The following PACRG variants were observed in gnomAD, a reference collection of about 807,000 sequenced individuals.
PACRG encodes the protein parkin coregulated gene protein.
PACRG carries 29 observed loss-of-function variants against 29.7 expected under a neutral mutation model. The ratio of observed to expected loss-of-function variants is 0.98; its 90% CI spans 0.73 to 1.33. The LOEUF (loss-of-function observed/expected upper bound fraction) is 1.33. Among genes scored for constraint, PACRG ranks in the 40% most tolerant of loss-of-function variants. PACRG has a pLI of 0.00. For synonymous variants in PACRG, 116 were observed against 118.7 expected, an observed-to-expected ratio of 0.98 and a Z score of 0.15; for missense variants, 279 against 316.2, an observed-to-expected ratio of 0.88 and a Z score of 0.89.
intron 1 of PACRG, among the ~76,000 whole-genome samples, chr6:162,746,634 C>T (rs1293301699): frequency 6.6e-6 from 1 of 152,160 alleles, no homozygotes; most frequent in Non-Finnish European, 1.5e-5. Context: ...ATAACTTTTA[C>T]ATACAAAGAA....
intron 4 of PACRG, chr6:163,313,876 A>G (rs750846825): frequency 1.3e-4 from 20 of 152,244 alleles, no homozygotes; most frequent in Admixed American, 3.9e-4. Flanking sequence ...AAAGCGTGGA[A>G]TGACTATCGT....
chr6:162,962,889 C>T (rs1800743728), intron 2 of PACRG, among the ~76,000 whole-genome samples: 1 of 152,126 alleles, frequency 6.6e-6, no homozygotes, highest in African/African-American at 2.4e-5. Context: ...ATGAACGTGC[C>T]TCTGTTCAGG....
At chr6:162,985,244 C>T (rs756903372) in intron 2 of PACRG, among the ~76,000 whole-genome samples, 1 of 151,902 alleles carries the variant, frequency 6.6e-6, no homozygotes, top group African/African-American at 2.4e-5. Flanking sequence ...CAGGGAAGGA[C>T]ATTTAAAAAA....
intron 4 of PACRG, among the ~76,000 whole-genome samples, chr6:163,220,873 G>T (rs569971986): frequency 6.6e-6 from 1 of 152,236 alleles, no homozygotes; most frequent in South Asian, 2.1e-4. Flanking sequence ...ACATCCCTAT[G>T]AGGTAAGATT....
At chr6:162,868,615 G>C (rs1275230960) in intron 2 of PACRG, among the ~76,000 whole-genome samples, 2 of 152,180 alleles carry the variant, frequency 1.3e-5, no homozygotes, top group Non-Finnish European at 1.5e-5. Context: ...ATGCAGGTGA[G>C]ATCCCTACTC....
chr6:163,060,256 A>G (rs1298402735), intron 2 of PACRG, among the ~76,000 whole-genome samples: 3 of 152,182 alleles, frequency 2.0e-5, no homozygotes, highest in Non-Finnish European at 4.4e-5. Context: ...AAGTGTGACA[A>G]TAAGCTAAAA....
At chr6:163,027,429 T>C (rs1375231364) in intron 2 of PACRG, among the ~76,000 whole-genome samples, 1 of 152,256 alleles carries the variant, frequency 6.6e-6, no homozygotes, top group Non-Finnish European at 1.5e-5. Flanking sequence ...CATTTCTCTC[T>C]TAAAATTGCT....
At chr6:162,747,109 A>G (rs1288855801) in intron 1 of PACRG, among the ~76,000 whole-genome samples, 3 of 151,684 alleles carry the variant, frequency 2.0e-5, no homozygotes, top group Non-Finnish European at 4.4e-5. Context: ...CATTTGAATC[A>G]GTGGGCTGGG....
At chr6:163,065,105 G>A (rs1045605314) in intron 3 of PACRG, among the ~76,000 whole-genome samples, 1 of 152,126 alleles carries the variant, frequency 6.6e-6, no homozygotes, top group African/African-American at 2.4e-5. Context: ...AACCCACACC[G>A]TGGGTCTCGG....
intron 1 of PACRG, among the ~76,000 whole-genome samples, chr6:162,792,085 G>T (rs1784998102): frequency 6.6e-6 from 1 of 152,136 alleles, no homozygotes; most frequent in Admixed American, 6.5e-5. Context: ...CTGTGTGCAT[G>T]GCCAATTGAA....
chr6:162,877,470 G>T (rs1156548316), intron 2 of PACRG, among the ~76,000 whole-genome samples: 1 of 151,946 alleles, frequency 6.6e-6, no homozygotes, highest in Non-Finnish European at 1.5e-5. Context: ...AGCATTGGGA[G>T]AAATACCTAA....
rs563715095 is a variant in PACRG at position 163,191,109 on chromosome 6, C to A, written c.613+101701C>A. The A allele has an allele frequency of 3.9e-4, 152 of 388,056 alleles. 1 individual carries two copies. Among genetic ancestry groups the A allele is most frequent in the South Asian group, 3.0e-3 (148 of 49,106 alleles). 24.0% of individuals were successfully genotyped at this position (388,056 alleles called of 1,614,324 possible). On this transcript the variant is annotated intron_variant, in intron 4 of 4. Coordinates refer to ENST00000366888, the MANE Select transcript of PACRG (RefSeq NM_001080379.2). ...ACTTAGATTCAAGTTAAAAGAGGGA[C>A]TATGTATTCACCCTTAGTCCAGGAG...
At chr6:162,787,835 A>C (rs1784630027) in intron 1 of PACRG, among the ~76,000 whole-genome samples, 1 of 150,930 alleles carries the variant, frequency 6.6e-6, no homozygotes, top group East Asian at 2.0e-4. Flanking sequence ...TTTTTTTTTG[A>C]AAAATTATTA....
At chr6:162,846,516 A>G (rs1236664017) in intron 2 of PACRG, among the ~76,000 whole-genome samples, 4 of 152,148 alleles carry the variant, frequency 2.6e-5, no homozygotes, top group African/African-American at 9.7e-5. Context: ...AACCATCACC[A>G]GGCCAAATGA....
intron 4 of PACRG, among the ~76,000 whole-genome samples, chr6:163,225,259 C>G (rs1781741745): frequency 6.6e-6 from 1 of 152,136 alleles, no homozygotes; most frequent in Admixed American, 6.5e-5. Context: ...CTCCATAATC[C>G]CCACATGTCT....
chr6:162,914,864 A>T (rs1286660402), intron 2 of PACRG, among the ~76,000 whole-genome samples: 1 of 152,000 alleles, frequency 6.6e-6, no homozygotes. Context: ...GCTAGTATAT[A>T]AGAATATAAA....
In PACRG at chr6:162,878,894, A is replaced by T. The variant is rs117592606; in HGVS notation, c.291+64613A>T. Among the ~76,000 whole-genome samples, 478 of 152,282 alleles carry T rather than the reference A, an allele frequency of 3.1e-3. 1 individual carries two copies. Among genetic ancestry groups the T allele is most frequent in the Non-Finnish European group, 3.6e-3 (246 of 68,000 alleles). Reference sequence around the variant, plus strand: ...AGTTTAAAGATGTCTTGCTTTTCTTAGTTTATCTTCTAGAAATATTATTGC... The same window carrying T: ...AGTTTAAAGATGTCTTGCTTTTCTTTGTTTATCTTCTAGAAATATTATTGC... On this transcript the variant is annotated intron_variant, in intron 2 of 4. Coordinates refer to ENST00000366888, the MANE Select transcript of PACRG (RefSeq NM_001080379.2).
At chr6:162,767,960 T>G (rs998063783) in intron 1 of PACRG, among the ~76,000 whole-genome samples, 1 of 152,078 alleles carries the variant, frequency 6.6e-6, no homozygotes, top group Non-Finnish European at 1.5e-5. Flanking sequence ...AATCTGTGTT[T>G]TTCACTATTT....
chr6:163,244,946 A>T (rs1374355452), intron 4 of PACRG: 1 of 402,452 alleles, frequency 2.5e-6, no homozygotes, highest in South Asian at 1.8e-5. Flanking sequence ...TTAGTAACCC[A>T]TCGACAAAGA....
Sources: gnomAD v4.1 joint callset for allele counts (sites outside exome capture counted in the v4.1 genomes callset) on GRCh38, gnomAD v4.1.1 for gene constraint, MANE v1.5 for transcripts, NCBI Gene and HGNC (gene_info 2026-07-23, HGNC 2026-07-21) for gene names.